The following CCDC88C variants were observed in gnomAD, a reference collection of about 807,000 sequenced individuals.
CCDC88C encodes the protein protein Daple.
CCDC88C carries 131 observed loss-of-function variants against 198.8 expected under a neutral mutation model. That is an observed-to-expected ratio of 0.66 (90% CI 0.57 to 0.76). CCDC88C has a LOEUF of 0.76. Among genes scored for constraint, CCDC88C ranks in the 30% least tolerant of loss-of-function variants. CCDC88C has a pLI of 0.00. For missense variants in CCDC88C, 2,553 were observed against 2,631.6 expected (o/e 0.97, Z 0.65); for synonymous variants, 1,166 against 1,114.7 (o/e 1.05, Z -0.92).
chr14:91,303,787 G>C lies in CCDC88C; in HGVS notation c.3549C>G (p.Ala1183=), dbSNP rs369163210. ...HLGTLHERQS[A]EYEALIRQHS... ...GCTGGCGGATGAGGGCCTCGTACTC[G>C]GCCGATTGCCGCTCGTGCAGCGTGC... Residue 1183 remains alanine, a synonymous_variant, in exon 20 of 30, where the codon GCC becomes GCG. Transcript: ENST00000389857. 15 of 1,613,418 alleles carry C rather than the reference G, an allele frequency of 9.3e-6. No individual in the cohort carries two copies. The Admixed American group carries it at 1.8e-4, about 20-fold the overall frequency.
chr14:91,273,228 C>T lies in CCDC88C; in HGVS notation c.5484G>A (p.Lys1828=), dbSNP rs1298857016. Residue 1828 remains lysine, a synonymous_variant, in exon 30 of 30, where the codon AAG becomes AAA. Coordinates refer to ENST00000389857, the MANE Select transcript of CCDC88C (RefSeq NM_001080414.4). The surrounding 1 kb of genome is among the most constrained non-coding windows in gnomAD (Gnocchi z 5.6). ...PEACKQESPQ[K]LGAPEALGGR... ...CCCCTAAGGCCTCAGGAGCCCCCAGCTTCTGAGGGGACTCCTGTTTGCAGG... is the reference window on the plus strand; with the variant it reads ...CCCCTAAGGCCTCAGGAGCCCCCAGTTTCTGAGGGGACTCCTGTTTGCAGG... 5 of 1,560,852 alleles carry T rather than the reference C, an allele frequency of 3.2e-6. No homozygotes were observed. The African/African-American group carries it at 4.1e-5, about 13-fold the overall frequency.
chr14:91,328,969 A>G (rs1253461441), intron 10 of CCDC88C, among the ~76,000 whole-genome samples: 2 of 152,204 alleles, frequency 1.3e-5, no homozygotes, highest in Admixed American at 6.5e-5. Context: ...GCTCTGTAGC[A>G]ACCACGATGC....
chr14:91,311,387 T>C (rs1215996610), intron 15 of CCDC88C, among the ~76,000 whole-genome samples: 1 of 152,238 alleles, frequency 6.6e-6, no homozygotes, highest in African/African-American at 2.4e-5. Context: ...ACCCATTTCC[T>C]TCTCTTGTGT....
chr14:91,343,895 T>C (rs1315142179), intron 4 of CCDC88C, among the ~76,000 whole-genome samples: 2 of 151,970 alleles, frequency 1.3e-5, no homozygotes, highest in East Asian at 1.9e-4. Context: ...CCACAGCTCA[T>C]TGCAGCCTTG....
Position 91,273,496 on chromosome 14 carries a change from G to A in CCDC88C, c.5216C>T (p.Thr1739Ile). 1 of 1,557,012 alleles carries A rather than the reference G, an allele frequency of 6.4e-7. No individual in the cohort carries two copies. Among genetic ancestry groups the A allele is most frequent in the Non-Finnish European group, 8.7e-7 (1 of 1,150,472 alleles). The change falls in exon 30 of 30, where the codon ACC becomes ATC. Residue 1739 changes from threonine to isoleucine, a missense_variant. Thr to Ile is a moderately conservative substitution (Grantham distance 89, BLOSUM62 -1). Around this residue, in one of 2 missense-constraint regions of CCDC88C, gnomAD observed 1,293 missense variants for 1,219.6 expected, o/e 1.06. Coordinates refer to ENST00000389857, the MANE Select transcript of CCDC88C (RefSeq NM_001080414.4). The surrounding 1 kb of genome is among the most constrained non-coding windows in gnomAD (Gnocchi z 5.6). ...VAPTVKMAAP[T>I]SEGRPLKPGQ... ...GGGCTTCAGCGGCCTCCCCTCCGAGGTGGGGGCGGCCATTTTGACGGTGGG... is the reference window on the plus strand; with the variant it reads ...GGGCTTCAGCGGCCTCCCCTCCGAGATGGGGGCGGCCATTTTGACGGTGGG...
At chr14:91,316,173 T>C (rs2139811395) in intron 13 of CCDC88C, among the ~76,000 whole-genome samples, 1 of 152,284 alleles carries the variant, frequency 6.6e-6, no homozygotes, top group Admixed American at 6.5e-5. Context: ...TCTCTTCCTC[T>C]TTCACCTCCA....
intron 13 of CCDC88C, among the ~76,000 whole-genome samples, chr14:91,317,832 G>C (rs1294705115): frequency 6.6e-6 from 1 of 152,234 alleles, no homozygotes; most frequent in African/African-American, 2.4e-5. Context: ...AGCATAAGGA[G>C]TTGTGGTGGG....
chr14:91,338,484 C>A lies in CCDC88C; in HGVS notation c.891+5G>T. On this transcript the variant is annotated splice_donor_5th_base_variant and intron_variant, in intron 9 of 29. Coordinates refer to ENST00000389857, the MANE Select transcript of CCDC88C (RefSeq NM_001080414.4). This position sits in a 1 kb window ranked among gnomAD's most constrained non-coding sequence, Gnocchi z 4.8. ...AGGACACACAGGCTCAGGCCCCCGA[C>A]TCACCTCCTGCTTAACTTTCTGCAG... is the stretch of plus-strand genomic sequence containing the variant. 4.5e-6 allele frequency: 7 copies of A among 1,561,436 alleles called. No individual in the cohort carries two copies. The highest frequency in any genetic ancestry group is 6.1e-6 in the Non-Finnish European group (7 of 1,152,882).
rs61102058 is a variant in CCDC88C, at chr14:91,320,024, C to CAAA, written c.1527+1093_1527+1095dup. Among the ~76,000 whole-genome samples the CAAA allele has an allele frequency of 4.0e-3, 97 of 24,156 alleles. 3 individuals are homozygous for CAAA. Among genetic ancestry groups the CAAA allele is most frequent in the African/African-American group, 7.5e-3 (71 of 9,490 alleles). The allele number at this position is 24,156 out of a possible 152,430, so 15.8% of individuals were successfully genotyped here. ...GGGCAACAAGAACAAAACTCAGTCT[C>CAAA]AAAAAAAAAAAAAAAAAAAAAAAAA... On this transcript the variant is annotated intron_variant, in intron 13 of 29. Coordinates refer to ENST00000389857, the MANE Select transcript of CCDC88C (RefSeq NM_001080414.4).
At chr14:91,387,026 T>C (rs540787452) in intron 3 of CCDC88C, among the ~76,000 whole-genome samples, 33 of 152,372 alleles carry the variant, frequency 2.2e-4, no homozygotes, top group African/African-American at 7.7e-4. Context: ...CAGTCTAATC[T>C]AACCTTGTTG....
chr14:91,292,316 C>G (rs1004418509), intron 23 of CCDC88C, among the ~76,000 whole-genome samples: 1 of 152,188 alleles, frequency 6.6e-6, no homozygotes, highest in African/African-American at 2.4e-5. Flanking sequence ...CCCCAGGAAG[C>G]CTGCCAACCC....
rs374774194 is a variant in CCDC88C, at chr14:91,289,390, C to A, written c.4203-47G>T. ...GGACATAGCCAGCCCTCCCACACAC[C>A]CCCAGTGGGTCCCTGGTTCCCTAAC... On this transcript the variant is annotated intron_variant, in intron 24 of 29. Coordinates refer to ENST00000389857, the MANE Select transcript of CCDC88C (RefSeq NM_001080414.4). The A allele has an allele frequency of 2.9e-5, 43 of 1,504,612 alleles. No individual in the cohort carries two copies. In the African/African-American group the frequency reaches 5.5e-4, roughly 19 times the overall value. The allele number at this position is 1,504,612 out of a possible 1,614,324, so 93.2% of individuals were successfully genotyped here. A position where few individuals can be genotyped will look rare whatever the true frequency, so the allele number is the denominator to read the frequency against.
At chr14:91,305,702 C>T in intron 19 of CCDC88C, 63 bp downstream of exon 19, 1 of 1,527,030 alleles carries the variant, frequency 6.5e-7, no homozygotes. Flanking sequence ...CAGTTGGTCC[C>T]CAGGAGCCAC....
In CCDC88C at chr14:91,352,052, C is replaced by T. The variant is rs980020180; in HGVS notation, c.340+7590G>A. Among the ~76,000 whole-genome samples the T allele has an allele frequency of 6.6e-6, 1 of 152,248 alleles. No individual in the cohort carries two copies. The highest frequency in any genetic ancestry group is 6.5e-5 in the Admixed American group (1 of 15,284). ...GTTTGCCCTGGGAAGGGGCGAGGAGCTAGGGCAGGCAGGGGACGCTCTGGG... is the reference window on the plus strand; with the variant it reads ...GTTTGCCCTGGGAAGGGGCGAGGAGTTAGGGCAGGCAGGGGACGCTCTGGG... On this transcript the variant is annotated intron_variant, in intron 4 of 29. Transcript: ENST00000389857. This position sits in a 1 kb window ranked among gnomAD's most constrained non-coding sequence, Gnocchi z 4.2.
In CCDC88C at chr14:91,313,172, C is replaced by T. The variant is rs768578676; in HGVS notation, c.2644G>A (p.Ala882Thr). 4.8e-5 allele frequency: 77 copies of T among 1,611,994 alleles called. No homozygotes were observed. The highest frequency in any genetic ancestry group is 2.7e-4 in the East Asian group (12 of 44,870). ...TCCAGCTCCTTCAGCTTGCCGGCTG[C>T]GTCCCTGCAGCGGGCCAGCTCCTTG... ...LDKELARCRD[A>T]AGKLKELEKD... Residue 882 changes from alanine to threonine, a missense_variant, in exon 15 of 30, where the codon GCA (alanine) becomes ACA (threonine). Ala to Thr is a moderately conservative substitution (Grantham distance 58, BLOSUM62 0). Around this residue, in one of 2 missense-constraint regions of CCDC88C, gnomAD observed 1,260 missense variants for 1,412.0 expected, o/e 0.89. Transcript: ENST00000389857. The surrounding 1 kb of genome is among the most constrained non-coding windows in gnomAD (Gnocchi z 5.2).
At chr14:91,360,719 G>A (rs935172815) in intron 3 of CCDC88C, among the ~76,000 whole-genome samples, 7 of 152,200 alleles carry the variant, frequency 4.6e-5, no homozygotes, top group South Asian at 2.1e-4. Context: ...AGTCATGCCC[G>A]CTCGTCTGGG....
At chr14:91,309,757 C>T in intron 16 of CCDC88C, 102 bp downstream of exon 16, 1 of 1,282,522 alleles carries the variant, frequency 7.8e-7, no homozygotes, top group East Asian at 2.5e-5. Flanking sequence ...CAGCCCTCGG[C>T]AGTAGAGAGT....
chr14:91,363,278 T>C (rs1456132295), intron 3 of CCDC88C, among the ~76,000 whole-genome samples: 2 of 151,042 alleles, frequency 1.3e-5, no homozygotes, highest in Non-Finnish European at 2.9e-5. Context: ...TGTATTATTT[T>C]ACTTTTTTTT....
intron 12 of CCDC88C, 139 bp downstream of exon 12, chr14:91,324,640 A>T (rs542290705): frequency 5.0e-4 from 550 of 1,098,940 alleles, no homozygotes; most frequent in Non-Finnish European, 6.6e-4. Flanking sequence ...AAACAGTTCC[A>T]AGTGGAGCTT....
Sources: allele counts gnomAD v4.1 joint callset (sites outside exome capture counted in the v4.1 genomes callset), GRCh38; gene constraint gnomAD v4.1.1; regional missense constraint gnomAD v4.1.1; non-coding constraint Gnocchi (gnomAD v3.1); transcripts MANE v1.5; gene names NCBI Gene and HGNC (gene_info 2026-07-23, HGNC 2026-07-21).